RMND5B: variants seen among roughly 807,000 people sequenced by gnomAD.
RMND5B encodes E3 ubiquitin-protein transferase RMND5B.
RMND5B carries 42 observed loss-of-function variants against 50.4 expected under a neutral mutation model. The observed-to-expected ratio is 0.83, with a 90% confidence interval of 0.65 to 1.08. The LOEUF (loss-of-function observed/expected upper bound fraction) is 1.08, where lower values mean the gene tolerates loss of function less well. Ranked by LOEUF, RMND5B falls within the 50% of genes least tolerant of loss-of-function variation. The pLI is 0.00. For synonymous variants in RMND5B, 220 were observed against 210.0 expected, an observed-to-expected ratio of 1.05 and a Z score of -0.41; for missense variants, 463 against 508.5, an observed-to-expected ratio of 0.91 and a Z score of 0.86.
In RMND5B at chr5:178,150,012, T is replaced by C. The variant is rs1234507022; in HGVS notation, c.*1980T>C. The stretch of plus-strand genomic sequence containing the variant: ...CCATCATTTAAACTCAATCAGACTT[T>C]GAAGGCATGGTCCAGCCACACAGGG... On this transcript the variant is annotated 3_prime_UTR_variant, in exon 11 of 11. Coordinates refer to ENST00000313386, the MANE Select transcript of RMND5B (RefSeq NM_022762.5). 1 of 642,826 alleles carries C rather than the reference T, an allele frequency of 1.6e-6. No homozygotes were observed. The highest frequency in any genetic ancestry group is 2.6e-6 in the Non-Finnish European group (1 of 381,848). The allele number at this position is 642,826 out of a possible 1,614,324, so 39.8% of individuals were successfully genotyped here.
rs760827219 is a variant in RMND5B at position 178,138,370 on chromosome 5, T to C, written c.139+112T>C. 1.5e-5 allele frequency: 22 copies of C among 1,461,456 alleles called. No homozygotes were observed. Among genetic ancestry groups the C allele is most frequent in the Non-Finnish European group, 1.9e-5 (21 of 1,103,900 alleles). 90.5% of individuals were successfully genotyped at this position (1,461,456 alleles called of 1,614,324 possible). A position where few individuals can be genotyped will look rare whatever the true frequency, so the allele number is the denominator to read the frequency against. ...GGACGATGATGAGGATGTTGGTACC[T>C]GCATCTGTAGGCCTCCTTGAAACCG... On this transcript the variant is annotated intron_variant, in intron 3 of 10. Coordinates refer to ENST00000313386, the MANE Select transcript of RMND5B (RefSeq NM_022762.5). This position sits in a 1 kb window ranked among gnomAD's most constrained non-coding sequence, Gnocchi z 5.1.
At position 178,150,044 on chromosome 5, in the gene RMND5B, T is replaced by G; in HGVS notation, c.*2012T>G. ...ATGGTCCAGCCACACAGGGCCTACA[T>G]TCCCACATGGCAACTATGAAAGGGC... On this transcript the variant is annotated 3_prime_UTR_variant, in exon 11 of 11. Coordinates refer to ENST00000313386, the MANE Select transcript of RMND5B (RefSeq NM_022762.5). 2 of 493,138 alleles carry G rather than the reference T, an allele frequency of 4.1e-6. No individual in the cohort carries two copies. The highest frequency in any genetic ancestry group is 7.3e-6 in the Non-Finnish European group (2 of 274,754). The allele number at this position is 493,138 out of a possible 1,614,324, so 30.5% of individuals were successfully genotyped here. A position where few individuals can be genotyped will look rare whatever the true frequency, so the allele number is the denominator to read the frequency against.
intron 5 of RMND5B, 22 bp downstream of exon 5, chr5:178,143,014 GCAA>G: frequency 6.3e-7 from 1 of 1,597,782 alleles, no homozygotes; most frequent in Non-Finnish European, 8.5e-7. Flanking sequence ...CTGGGCGGGC[GCAA>G]CAACCTGCCT....
chr5:178,144,822 C>T (rs982050097), intron 7 of RMND5B, among the ~76,000 whole-genome samples: 43 of 152,036 alleles, frequency 2.8e-4, no homozygotes, highest in African/African-American at 9.4e-4. Context: ...TGGAGACCAG[C>T]CTTGGCAACA....
At position 178,148,193 on chromosome 5, in the gene RMND5B, AGGAG is replaced by A; in HGVS notation, c.*166_*169del. 2 of 704,010 alleles carry A rather than the reference AGGAG, an allele frequency of 2.8e-6. No individual in the cohort carries two copies. The highest frequency in any genetic ancestry group is 4.9e-6 in the Non-Finnish European group (2 of 407,350). The allele number at this position is 704,010 out of a possible 1,614,324, so 43.6% of individuals were successfully genotyped here. A position where few individuals can be genotyped will look rare whatever the true frequency, so the allele number is the denominator to read the frequency against. ...TGGAGCAGCCCTTTGGCAGAGGCTG[AGGAG>A]GGAGATGGACCAGCCCACGCCTGGC... On this transcript the variant is annotated 3_prime_UTR_variant, in exon 11 of 11. Transcript: ENST00000313386.
chr5:178,140,264 C>T lies in RMND5B; in HGVS notation c.139+2006C>T, dbSNP rs549058919. Among the ~76,000 whole-genome samples the T allele has an allele frequency of 7.9e-5, 12 of 152,218 alleles. No individual in the cohort carries two copies. The South Asian group carries it at 2.3e-3, about 29-fold the overall frequency. ...TCTTGGCTCACTGCAGGCTTGACCT[C>T]CTGGGCTCAAGTGATCCTACCACCT... On this transcript the variant is annotated intron_variant, in intron 3 of 10. Coordinates refer to ENST00000313386, the MANE Select transcript of RMND5B (RefSeq NM_022762.5).
At chr5:178,142,536 G>A (rs528503717) in intron 3 of RMND5B, 47 bp from the exon 4 acceptor site, 2 of 1,569,238 alleles carry the variant, frequency 1.3e-6, no homozygotes, top group Non-Finnish European at 1.7e-6. Context: ...GCCAAGGCAG[G>A]TGCCCCAGTC....
intron 2 of RMND5B, among the ~76,000 whole-genome samples, chr5:178,134,904 G>A (rs980464002): frequency 5.9e-5 from 9 of 151,864 alleles, no homozygotes; most frequent in East Asian, 1.9e-4. Context: ...TTGGACCCGG[G>A]AGGTGGAGGT....
intron 3 of RMND5B, among the ~76,000 whole-genome samples, chr5:178,139,234 T>C (rs1758785930): frequency 1.3e-5 from 2 of 148,550 alleles, no homozygotes; most frequent in Non-Finnish European, 3.0e-5. Flanking sequence ...TGAGATGGAG[T>C]CTTACTGTTG....
At chr5:178,143,803 T>A in intron 6 of RMND5B, 76 bp downstream of exon 6, 1 of 1,466,058 alleles carries the variant, frequency 6.8e-7, no homozygotes, top group Non-Finnish European at 9.6e-7. Flanking sequence ...GTGGTCTTCA[T>A]TTCACCCAGA....
In RMND5B at chr5:178,147,650, G is replaced by C; in HGVS notation, c.963+15G>C. 6.2e-7 allele frequency: 1 copy of C among 1,614,074 alleles called. No homozygotes were observed. The highest frequency in any genetic ancestry group is 8.5e-7 in the Non-Finnish European group (1 of 1,179,940). ...ACGAGTTACCGGTGAGGCCTGGTCT[G>C]GGGAATCGTGGGCAAGAGGTACTGG... On this transcript the variant is annotated intron_variant, in intron 9 of 10. Transcript: ENST00000313386.
chr5:178,138,243 G>A lies in RMND5B; in HGVS notation c.124G>A (p.Glu42Lys). Residue 42 changes from glutamate to lysine, a missense_variant, in exon 3 of 11, where the codon GAG becomes AAG. Coordinates refer to ENST00000313386, the MANE Select transcript of RMND5B (RefSeq NM_022762.5). This position sits in a 1 kb window ranked among gnomAD's most constrained non-coding sequence, Gnocchi z 5.1. ...LLHYVGQLRAELASAALQGTP... is the reference protein window; with the variant it reads ...LLHYVGQLRAKLASAALQGTP... ...GCACTACGTGGGCCAGCTGCGGGCT[G>A]AGCTGGCCAGCGCAGGTGGGTGGCC... 1.9e-6 allele frequency: 3 copies of A among 1,613,454 alleles called. No individual in the cohort carries two copies. Among genetic ancestry groups the A allele is most frequent in the Non-Finnish European group, 2.5e-6 (3 of 1,179,690 alleles).
Position 178,142,692 on chromosome 5 carries a change from C to T in RMND5B, c.249C>T (p.His83=), listed in dbSNP as rs1006499959. 1.2e-6 allele frequency: 2 copies of T among 1,614,134 alleles called. No individual in the cohort carries two copies. The highest frequency in any genetic ancestry group is 2.7e-5 in the African/African-American group (2 of 74,952). ...QKLASDHKDI[H]SSVSRVGKAI... is the part of the protein sequence containing the mutation. ...TGGCTTCGGACCATAAGGACATTCACAGCAGTGTATCCCGAGTGGGCAAAG... is the reference window on the plus strand; with the variant it reads ...TGGCTTCGGACCATAAGGACATTCATAGCAGTGTATCCCGAGTGGGCAAAG... The change falls in exon 4 of 11, where the codon CAC becomes CAT. Residue 83 remains histidine (H), a synonymous_variant. Transcript: ENST00000313386.
intron 9 of RMND5B, 42 bp from the exon 10 acceptor site, chr5:178,147,687 A>ATGCGTT: frequency 1.2e-6 from 2 of 1,614,118 alleles, no homozygotes; most frequent in Non-Finnish European, 1.7e-6. Flanking sequence ...GAGGACAGCC[A>ATGCGTT]TGACAGGAAG....
chr5:178,142,908 A>G lies in RMND5B; in HGVS notation c.342A>G (p.Glu114=). 6.2e-7 allele frequency: 1 copy of G among 1,614,182 alleles called. No homozygotes were observed. Among genetic ancestry groups the G allele is most frequent in the Non-Finnish European group, 8.5e-7 (1 of 1,180,026 alleles). ...CAGATGCGGTGTGGGACGCGCGGGA[A>G]CAGCAGCAGCAGATCCTGCAGATGG... is the stretch of plus-strand genomic sequence containing the variant. ...VVSDAVWDAR[E]QQQQILQMAI... Residue 114 remains glutamate, a synonymous_variant, in exon 5 of 11, where the codon GAA becomes GAG. Coordinates refer to ENST00000313386, the MANE Select transcript of RMND5B (RefSeq NM_022762.5).
intron 10 of RMND5B, 26 bp from the exon 11 acceptor site, chr5:178,147,943 C>A (rs770252070): frequency 8.1e-6 from 13 of 1,614,050 alleles, no homozygotes; most frequent in Non-Finnish European, 1.0e-5. Context: ...ACCCCTGAGA[C>A]GTTCTCGGTT....
chr5:178,141,500 G>A (rs1368722390), intron 3 of RMND5B: 1 of 151,830 alleles, frequency 6.6e-6, no homozygotes, highest in Non-Finnish European at 1.5e-5. Context: ...GCAAGACTCT[G>A]TATCAAAATA....
At chr5:178,143,865 G>A in intron 6 of RMND5B, 77 bp from the exon 7 acceptor site, 4 of 1,552,908 alleles carry the variant, frequency 2.6e-6, no homozygotes, top group Non-Finnish European at 3.5e-6. Flanking sequence ...CAGGCTTTTG[G>A]GGCCCTCCTC....
chr5:178,138,361 GTTGGT>G lies in RMND5B; in HGVS notation c.139+104_139+108del. On this transcript the variant is annotated intron_variant, in intron 3 of 10. Transcript: ENST00000313386. The surrounding 1 kb of genome is among the most constrained non-coding windows in gnomAD (Gnocchi z 5.1). ...GTTCCGGAAGGACGATGATGAGGAT[GTTGGT>G]ACCTGCATCTGTAGGCCTCCTTGAA... 6.8e-7 allele frequency: 1 copy of G among 1,478,008 alleles called. No homozygotes were observed. The highest frequency in any genetic ancestry group is 9.0e-7 in the Non-Finnish European group (1 of 1,111,062). 91.6% of individuals were successfully genotyped at this position (1,478,008 alleles called of 1,614,324 possible).
Sources: gnomAD v4.1 joint callset for allele counts (sites outside exome capture counted in the v4.1 genomes callset) on GRCh38, gnomAD v4.1.1 for gene constraint, Gnocchi (gnomAD v3.1) non-coding constraint, MANE v1.5 for transcripts, NCBI Gene and HGNC (gene_info 2026-07-23, HGNC 2026-07-21) for gene names.